The following SOX6 variants were observed in gnomAD, a reference collection of about 807,000 sequenced individuals.
SOX6 encodes the protein SRY-box transcription factor 6, also known as transcription factor SOX-6.
Under a neutral mutation model 97.8 loss-of-function variants are expected in SOX6, and 11 were observed. The observed-to-expected ratio is 0.11, with a 90% CI of 0.07 to 0.19. The LOEUF (loss-of-function observed/expected upper bound fraction) is 0.19, where lower values mean the gene tolerates loss of function less well. SOX6 is among the 10% of genes least tolerant of loss of function. SOX6 has a pLI of 1.00. For synonymous variants in SOX6, 360 were observed against 371.4 expected, an observed-to-expected ratio of 0.97 and a Z score of 0.35; for missense variants, 810 against 1,039.5, an observed-to-expected ratio of 0.78 and a Z score of 3.04.
intron 13 of SOX6, among the ~76,000 whole-genome samples, chr11:16,002,047 C>T (rs540592800): frequency 1.3e-5 from 2 of 152,170 alleles, no homozygotes. Flanking sequence ...TTCTATTCTA[C>T]TTAAAGTGTC....
chr11:16,297,849 T>C (rs1354140045), intron 3 of SOX6, among the ~76,000 whole-genome samples: 1 of 152,180 alleles, frequency 6.6e-6, no homozygotes, highest in African/African-American at 2.4e-5. Context: ...ATTCCCAGGC[T>C]GACAGGGGGA....
intron 1 of SOX6, among the ~76,000 whole-genome samples, chr11:16,399,346 T>TTTTTA (rs527957234): frequency 0.019 from 2,862 of 150,078 alleles, 69 homozygotes; most frequent in African/African-American, 0.057. Flanking sequence ...TTTTATATTA[T>TTTTTA]TTTTATTTTA....
intron 3 of SOX6, among the ~76,000 whole-genome samples, chr11:16,636,024 T>G (rs1364228583): frequency 1.3e-5 from 2 of 152,228 alleles, no homozygotes; most frequent in Non-Finnish European, 2.9e-5. Flanking sequence ...AAGGGAAATG[T>G]GGGGTCAGAG....
At chr11:16,678,896 G>A (rs1294813891) in intron 3 of SOX6, among the ~76,000 whole-genome samples, 4 of 152,214 alleles carry the variant, frequency 2.6e-5, no homozygotes, top group Admixed American at 6.5e-5. Context: ...GATTGGTGGG[G>A]GGAGGGGCAT....
chr11:16,094,222 C>T (rs1848748599), intron 9 of SOX6, among the ~76,000 whole-genome samples: 1 of 151,444 alleles, frequency 6.6e-6, no homozygotes, highest in Non-Finnish European at 1.5e-5. Context: ...CACTACAGAG[C>T]TCTGACACTC....
intron 3 of SOX6, among the ~76,000 whole-genome samples, chr11:16,704,967 T>G (rs903505498): frequency 3.3e-5 from 5 of 152,110 alleles, no homozygotes; most frequent in African/African-American, 1.2e-4. Flanking sequence ...TAAAAGAAAC[T>G]AGGCATCAGG....
intron 4 of SOX6, among the ~76,000 whole-genome samples, chr11:16,520,171 T>C (rs1590231379): frequency 6.6e-6 from 1 of 152,256 alleles, no homozygotes; most frequent in African/African-American, 2.4e-5. Flanking sequence ...GTTGATTGTT[T>C]CTTTTGCTGT....
chr11:16,301,780 T>C (rs960579889), intron 3 of SOX6, among the ~76,000 whole-genome samples: 10 of 151,710 alleles, frequency 6.6e-5, no homozygotes, highest in Non-Finnish European at 1.3e-4. Context: ...TTGAAGTGAG[T>C]ATCTAAGAAA....
intron 3 of SOX6, among the ~76,000 whole-genome samples, chr11:16,292,269 G>T (rs372862458): frequency 6.6e-6 from 1 of 152,080 alleles, no homozygotes; most frequent in African/African-American, 2.4e-5. Context: ...AATTAATGTT[G>T]TTTATATAAT....
At chr11:16,418,990 G>A (rs887492017) in intron 1 of SOX6, among the ~76,000 whole-genome samples, 2 of 152,094 alleles carry the variant, frequency 1.3e-5, no homozygotes, top group Non-Finnish European at 2.9e-5. Context: ...GTTTCCTGCC[G>A]CCTCACAAAA....
At chr11:16,120,433 C>T (rs143772968) in intron 6 of SOX6, among the ~76,000 whole-genome samples, 108 of 151,694 alleles carry the variant, frequency 7.1e-4, no homozygotes, top group African/African-American at 2.5e-3. Context: ...ATTAAAGGGC[C>T]AAGTAAACTC....
At chr11:16,647,494 A>C (rs961181252) in intron 3 of SOX6, among the ~76,000 whole-genome samples, 5 of 152,202 alleles carry the variant, frequency 3.3e-5, no homozygotes, top group African/African-American at 7.2e-5. Flanking sequence ...GAAAGATGGC[A>C]TATAGGAGAC....
intron 1 of SOX6, among the ~76,000 whole-genome samples, chr11:16,469,648 G>A (rs1051833365): frequency 7.9e-5 from 12 of 152,172 alleles, no homozygotes; most frequent in Non-Finnish European, 1.8e-4. Flanking sequence ...ATAAAGAGTA[G>A]CATTTTTGTC....
intron 9 of SOX6, among the ~76,000 whole-genome samples, chr11:16,068,700 T>C (rs1170284115): frequency 2.0e-5 from 3 of 152,190 alleles, no homozygotes; most frequent in African/African-American, 7.2e-5. Context: ...CATTTTTTCC[T>C]TTCTTATTAA....
At chr11:16,324,638 C>T (rs774860133) in intron 2 of SOX6, among the ~76,000 whole-genome samples, 1 of 151,898 alleles carries the variant, frequency 6.6e-6, no homozygotes, top group Non-Finnish European at 1.5e-5. Context: ...TGTTTTGATA[C>T]AAGCATATAA....
intron 15 of SOX6, among the ~76,000 whole-genome samples, chr11:15,975,016 C>A (rs1470742846): frequency 6.6e-6 from 1 of 152,166 alleles, no homozygotes; most frequent in Non-Finnish European, 1.5e-5. Flanking sequence ...TATAGATATT[C>A]AATCTACAGA....
At chr11:16,347,777 G>A (rs548133146) in intron 1 of SOX6, among the ~76,000 whole-genome samples, 17 of 152,006 alleles carry the variant, frequency 1.1e-4, no homozygotes, top group African/African-American at 3.4e-4. Context: ...TCCTTAACTC[G>A]AATTTCCCTC....
rs115142865 is a variant in SOX6, at chr11:16,531,596, G to A, written n.610-55208C>T. On this transcript the variant is annotated intron_variant and non_coding_transcript_variant, in intron 4 of 5. Coordinates refer to the SOX6 transcript ENST00000524520. ...GGTCTACTTGCAGCTGTCACATGTT[G>A]GAATCTGGATATAAATCCAGGTCTT... Among the ~76,000 whole-genome samples the A allele has an allele frequency of 6.2e-3, 946 of 151,502 alleles. 13 individuals are homozygous for A. The highest frequency in any genetic ancestry group is 0.021 in the African/African-American group (854 of 41,362).
At chr11:16,343,369 T>C (rs1401049983) in intron 1 of SOX6, among the ~76,000 whole-genome samples, 1 of 151,926 alleles carries the variant, frequency 6.6e-6, no homozygotes, top group East Asian at 1.9e-4. Context: ...TCAACAAACA[T>C]CCTCTTATTA....
Sources: gnomAD v4.1 joint callset for allele counts (sites outside exome capture counted in the v4.1 genomes callset) on GRCh38, gnomAD v4.1.1 for gene constraint, MANE v1.5 for transcripts, NCBI Gene and HGNC (gene_info 2026-07-23, HGNC 2026-07-21) for gene names.